Variants in FANCC observed in about 807,000 individuals in gnomAD.
FANCC encodes Fanconi anemia group C protein.
FANCC carries 55 observed loss-of-function variants against 71.3 expected under a neutral mutation model. The observed-to-expected ratio is 0.77, with a 90% confidence interval of 0.62 to 0.97. The LOEUF (loss-of-function observed/expected upper bound fraction) is 0.97, where lower values mean the gene tolerates loss of function less well. Among genes scored for constraint, FANCC ranks in the 50% least tolerant of loss-of-function variants. The pLI is 0.00. For synonymous variants in FANCC, 275 were observed against 244.9 expected, an observed-to-expected ratio of 1.12 and a Z score of -1.15; for missense variants, 678 against 670.9, an observed-to-expected ratio of 1.01 and a Z score of -0.12.
chr9:95,206,554 A>G (rs1385306408), intron 4 of FANCC, among the ~76,000 whole-genome samples: 2 of 152,208 alleles, frequency 1.3e-5, no homozygotes, highest in Non-Finnish European at 2.9e-5. Flanking sequence ...TACGCTTTCA[A>G]TTTTCACAAA....
chr9:95,110,988 G>A (rs1423525082), intron 13 of FANCC: 30 of 1,422,082 alleles, frequency 2.1e-5, no homozygotes, highest in Non-Finnish European at 2.7e-5. Flanking sequence ...TGTAAATAAA[G>A]CCAGTAATGT....
chr9:95,181,786 T>G (rs1826386807), intron 4 of FANCC, among the ~76,000 whole-genome samples: 1 of 152,220 alleles, frequency 6.6e-6, no homozygotes, highest in African/African-American at 2.4e-5. Flanking sequence ...CCAATTTCGA[T>G]TCATGTAAAA....
intron 10 of FANCC, among the ~76,000 whole-genome samples, chr9:95,121,341 G>C (rs985860291): frequency 6.6e-6 from 1 of 152,148 alleles, no homozygotes; most frequent in Non-Finnish European, 1.5e-5. Flanking sequence ...CAAGAGGAAA[G>C]GGTAAGAAGA....
At chr9:95,216,524 A>G (rs1385146268) in intron 4 of FANCC, among the ~76,000 whole-genome samples, 2 of 152,198 alleles carry the variant, frequency 1.3e-5, no homozygotes, top group African/African-American at 4.8e-5. Context: ...GCTCCAGACT[A>G]TATTTTCAAT....
intron 12 of FANCC, chr9:95,113,620 A>C (rs1482004891): frequency 4.0e-5 from 6 of 151,640 alleles, no homozygotes; most frequent in African/African-American, 1.5e-4. Context: ...CTCTACAAAA[A>C]AAAAAATTTT....
At chr9:95,309,803 C>T (rs1310819795) in intron 1 of FANCC, among the ~76,000 whole-genome samples, 1 of 152,100 alleles carries the variant, frequency 6.6e-6, no homozygotes, top group African/African-American at 2.4e-5. Context: ...TGTTGTTCTG[C>T]TCCACAGTCA....
intron 4 of FANCC, among the ~76,000 whole-genome samples, chr9:95,196,925 T>A (rs1799614898): frequency 1.3e-5 from 2 of 152,210 alleles, no homozygotes; most frequent in African/African-American, 4.8e-5. Flanking sequence ...TAGGCTCACC[T>A]CCTGTGGCCT....
intron 1 of FANCC, among the ~76,000 whole-genome samples, chr9:95,270,923 G>C (rs962663786): frequency 6.6e-6 from 1 of 152,180 alleles, no homozygotes; most frequent in African/African-American, 2.4e-5. Context: ...GTGTAGTGGA[G>C]AGGAGCAGTC....
chr9:95,306,089 T>G (rs1042582103), intron 1 of FANCC, among the ~76,000 whole-genome samples: 1 of 152,222 alleles, frequency 6.6e-6, no homozygotes, highest in African/African-American at 2.4e-5. Context: ...AAAAATGAGT[T>G]TGGTATCTCT....
chr9:95,227,497 G>C (rs1158002859), intron 4 of FANCC, among the ~76,000 whole-genome samples: 2 of 152,174 alleles, frequency 1.3e-5, no homozygotes, highest in Non-Finnish European at 2.9e-5. Context: ...CCTAAGACAG[G>C]AGACGACTGA....
intron 4 of FANCC, among the ~76,000 whole-genome samples, chr9:95,210,068 C>CAAAATCTCAAAAAA (rs1463904450): frequency 6.6e-6 from 1 of 152,116 alleles, no homozygotes; most frequent in Non-Finnish European, 1.5e-5. Context: ...AAAAATACAC[C>CAAAATCTCAAAAAA]ATCAAGCAAA....
At chr9:95,187,313 C>T (rs1201115771) in intron 4 of FANCC, among the ~76,000 whole-genome samples, 1 of 152,130 alleles carries the variant, frequency 6.6e-6, no homozygotes, top group Non-Finnish European at 1.5e-5. Context: ...GTTCTGGATA[C>T]CTCTAACCTT....
rs748938789 is a variant in FANCC at position 95,107,220 on chromosome 9, C to T, written c.1379G>A (p.Ser460Asn). Residue 460 changes from serine to asparagine, a missense_variant, in exon 14 of 15, where the codon AGC becomes AAC. By Grantham distance (46) the Ser-to-Asn change is conservative. Transcript: ENST00000289081. ...CTGCAGGTCCTGGGCTGAGAGGCTG[C>T]TGCTTCTGGACATTGCCAGGAGGTG... Reference protein sequence around the residue: ...LGHLLAMSRSSSLSAQDLQTV... With the variant: ...LGHLLAMSRSNSLSAQDLQTV... 1.9e-6 allele frequency: 3 copies of T among 1,614,158 alleles called. No homozygotes were observed. The South Asian group carries it at 3.3e-5, about 18-fold the overall frequency.
chr9:95,238,724 C>T (rs967641261), intron 4 of FANCC, among the ~76,000 whole-genome samples: 1 of 152,060 alleles, frequency 6.6e-6, no homozygotes, highest in African/African-American at 2.4e-5. Context: ...TGCCACCATT[C>T]CTGGCTAATT....
At chr9:95,123,739 C>T in intron 10 of FANCC, 1 of 692,738 alleles carries the variant, frequency 1.4e-6, no homozygotes, top group East Asian at 2.8e-5. Flanking sequence ...AGCTACATTA[C>T]TGTCTGAGTT....
At chr9:95,277,321 T>C (rs1450903979) in intron 1 of FANCC, among the ~76,000 whole-genome samples, 1 of 152,206 alleles carries the variant, frequency 6.6e-6, no homozygotes, top group Non-Finnish European at 1.5e-5. Flanking sequence ...GGAAAAGGGT[T>C]AAACATAATG....
chr9:95,294,824 G>C (rs1469935036), intron 1 of FANCC: 81 of 1,522,792 alleles, frequency 5.3e-5, no homozygotes, highest in Non-Finnish European at 8.8e-7. Context: ...TAACAGTGGA[G>C]TCCATGTGTG....
intron 4 of FANCC, 51 bp downstream of exon 4, chr9:95,240,598 T>G: frequency 7.0e-7 from 1 of 1,434,512 alleles, no homozygotes; most frequent in Non-Finnish European, 9.8e-7. Context: ...GCAGCACTTT[T>G]AAATAATCAA....
At chr9:95,231,612 C>T (rs897881222) in intron 4 of FANCC, among the ~76,000 whole-genome samples, 2 of 152,144 alleles carry the variant, frequency 1.3e-5, no homozygotes, top group African/African-American at 4.8e-5. Context: ...ATTTTCATGG[C>T]CATGGGATAA....
Sources: gnomAD v4.1 joint callset for allele counts (sites outside exome capture counted in the v4.1 genomes callset) on GRCh38, gnomAD v4.1.1 for gene constraint, MANE v1.5 for transcripts, NCBI Gene and HGNC (gene_info 2026-07-23, HGNC 2026-07-21) for gene names.